Variants in BRINP3 observed in about 807,000 individuals in gnomAD.
BRINP3 encodes BMP/retinoic acid-inducible neural-specific protein 3.
BRINP3 carries 19 observed loss-of-function variants against 71.0 expected under a neutral mutation model. That is an observed-to-expected ratio of 0.27 (90% CI 0.19 to 0.39). BRINP3 has a LOEUF of 0.39. BRINP3 is among the 10% of genes least tolerant of loss of function. BRINP3 has a pLI of 1.00. For synonymous variants in BRINP3, 380 were observed against 337.7 expected (o/e 1.13, Z -1.37); for missense variants, 959 against 940.8 (o/e 1.02, Z -0.25).
chr1:190,400,616 T>A (rs1671860426), intron 2 of BRINP3, among the ~76,000 whole-genome samples: 1 of 152,198 alleles, frequency 6.6e-6, no homozygotes, highest in South Asian at 2.1e-4. Flanking sequence ...TTAGTTTGTA[T>A]GCAATCTCAT....
At chr1:190,311,452 G>A (rs1443256216) in intron 2 of BRINP3, among the ~76,000 whole-genome samples, 1 of 151,482 alleles carries the variant, frequency 6.6e-6, no homozygotes, top group Non-Finnish European at 1.5e-5. Context: ...GTGGTTGGCA[G>A]CAGAGTATAA....
intron 2 of BRINP3, among the ~76,000 whole-genome samples, chr1:190,435,845 T>C (rs1674422026): frequency 6.6e-6 from 1 of 152,046 alleles, no homozygotes; most frequent in Non-Finnish European, 1.5e-5. Flanking sequence ...AAACATGGCA[T>C]AATCTAAGCA....
intron 4 of BRINP3, among the ~76,000 whole-genome samples, chr1:190,264,295 C>G (rs1432934447): frequency 6.6e-6 from 1 of 152,044 alleles, no homozygotes; most frequent in African/African-American, 2.4e-5. Context: ...AGTCAAATGA[C>G]TTTAGTGAAC....
At chr1:190,156,223 C>T (rs988912270) in intron 7 of BRINP3, among the ~76,000 whole-genome samples, 1 of 151,986 alleles carries the variant, frequency 6.6e-6, no homozygotes, top group African/African-American at 2.4e-5. Context: ...ATCTATCTGT[C>T]ATTATATAGG....
intron 1 of BRINP3, 58 bp from the exon 2 acceptor site, chr1:190,454,998 A>G (rs1241768158): frequency 1.9e-5 from 14 of 732,324 alleles, no homozygotes; most frequent in Non-Finnish European, 3.1e-5. Flanking sequence ...CTCTCAGTTA[A>G]GGTGTTGAGG....
At chr1:190,375,487 G>C (rs1212787000) in intron 2 of BRINP3, among the ~76,000 whole-genome samples, 1 of 151,700 alleles carries the variant, frequency 6.6e-6, no homozygotes, top group African/African-American at 2.4e-5. Flanking sequence ...AAAAGCAAAA[G>C]GCATAACAAA....
chr1:190,244,225 T>C (rs550184970), intron 4 of BRINP3, among the ~76,000 whole-genome samples: 1 of 152,248 alleles, frequency 6.6e-6, no homozygotes, highest in East Asian at 1.9e-4. Flanking sequence ...TTGCATAGAC[T>C]AACTTATAAT....
intron 6 of BRINP3, among the ~76,000 whole-genome samples, chr1:190,210,551 G>A (rs1334927918): frequency 2.0e-5 from 3 of 151,874 alleles, no homozygotes; most frequent in Non-Finnish European, 4.4e-5. Context: ...TGTGTGTTCC[G>A]GTATAAATAT....
intron 6 of BRINP3, among the ~76,000 whole-genome samples, chr1:190,194,228 ACAGAATGCAGAAAGC>A (rs1351578875): frequency 6.6e-6 from 1 of 152,136 alleles, no homozygotes; most frequent in Non-Finnish European, 1.5e-5. Flanking sequence ...AAGCATAATC[ACAGAATGCAGAAAGC>A]CACCAAAAGC....
intron 4 of BRINP3, among the ~76,000 whole-genome samples, chr1:190,262,448 T>C (rs926575688): frequency 1.2e-4 from 18 of 152,132 alleles, no homozygotes; most frequent in African/African-American, 4.1e-4. Context: ...AGCTGGTGCT[T>C]ATCTTATTTC....
At chr1:190,124,355 A>G (rs1653921170) in intron 7 of BRINP3, among the ~76,000 whole-genome samples, 2 of 152,222 alleles carry the variant, frequency 1.3e-5, no homozygotes, top group Middle Eastern at 3.4e-3. Flanking sequence ...GGTGAGAAAT[A>G]AATTTCTCTC....
intron 7 of BRINP3, among the ~76,000 whole-genome samples, chr1:190,141,943 A>G: frequency 6.6e-6 from 1 of 152,158 alleles, no homozygotes; most frequent in East Asian, 1.9e-4. Flanking sequence ...AGGATCAAAA[A>G]AGATATCGAT....
chr1:190,408,329 C>T (rs370333908), intron 2 of BRINP3, among the ~76,000 whole-genome samples: 22 of 152,164 alleles, frequency 1.4e-4, no homozygotes, highest in African/African-American at 4.8e-4. Flanking sequence ...CAGGCGTGAG[C>T]CACCGCATCC....
chr1:190,389,846 A>T (rs1030015707), intron 2 of BRINP3, among the ~76,000 whole-genome samples: 3 of 151,760 alleles, frequency 2.0e-5, no homozygotes, highest in East Asian at 3.9e-4. Context: ...CGAAATTCTG[A>T]TTAGGGTAGA....
intron 6 of BRINP3, among the ~76,000 whole-genome samples, chr1:190,180,410 C>T (rs1652924470): frequency 6.6e-6 from 1 of 152,030 alleles, no homozygotes; most frequent in South Asian, 2.1e-4. Flanking sequence ...TGAGCTACAA[C>T]TATGTGGACT....
At chr1:190,251,751 T>A (rs964298510) in intron 4 of BRINP3, among the ~76,000 whole-genome samples, 1 of 151,848 alleles carries the variant, frequency 6.6e-6, no homozygotes, top group African/African-American at 2.4e-5. Flanking sequence ...TGCAAAGATG[T>A]TTTTTGCATT....
intron 1 of BRINP3, among the ~76,000 whole-genome samples, chr1:190,462,147 G>C (rs1002109942): frequency 1.3e-5 from 2 of 151,924 alleles, no homozygotes; most frequent in African/African-American, 4.8e-5. Context: ...CCTGATTTCA[G>C]GTAATCCACT....
In BRINP3 at chr1:190,356,336, A is replaced by AT. The variant is rs539463753; in HGVS notation, c.237-74587dup. Among the ~76,000 whole-genome samples the AT allele has an allele frequency of 2.3e-3, 350 of 151,992 alleles. 2 individuals carry two copies. The highest frequency in any genetic ancestry group is 0.01 in the Middle Eastern group (3 of 294). ...AAATAATAGAAAATTGAATAGTGTC[A>AT]TTTTTTTCCTATGACCCGATAAGAA... On this transcript the variant is annotated intron_variant, in intron 2 of 7. Coordinates refer to ENST00000367462, the MANE Select transcript of BRINP3 (RefSeq NM_199051.3).
chr1:190,241,302 TA>T (rs1659068451), intron 4 of BRINP3, among the ~76,000 whole-genome samples: 1 of 152,072 alleles, frequency 6.6e-6, no homozygotes, highest in Admixed American at 6.6e-5. Context: ...ATGAAGTAGT[TA>T]TCAAGCTACT....
Sources: allele counts gnomAD v4.1 joint callset (sites outside exome capture counted in the v4.1 genomes callset), GRCh38; gene constraint gnomAD v4.1.1; transcripts MANE v1.5; gene names NCBI Gene and HGNC (gene_info 2026-07-23, HGNC 2026-07-21).